CTNNA1: variants seen among roughly 807,000 people sequenced by gnomAD.
CTNNA1 encodes catenin alpha-1.
CTNNA1 carries 37 observed loss-of-function variants against 98.4 expected under a neutral mutation model. That is an observed-to-expected ratio of 0.38 (90% CI 0.29 to 0.49). The LOEUF is 0.49. Ranked by LOEUF, CTNNA1 falls within the 20% of genes least tolerant of loss-of-function variation. CTNNA1 has a pLI of 0.95. For synonymous variants in CTNNA1, 404 were observed against 413.2 expected, an observed-to-expected ratio of 0.98 and a Z score of 0.27; for missense variants, 761 against 1,147.2, an observed-to-expected ratio of 0.66 and a Z score of 4.86.
At chr5:138,883,621 T>A (rs1753416431) in intron 7 of CTNNA1, among the ~76,000 whole-genome samples, 1 of 152,200 alleles carries the variant, frequency 6.6e-6, no homozygotes, top group African/African-American at 2.4e-5. Flanking sequence ...TCCTGGGCAT[T>A]TCAGGTTGTA....
At chr5:138,829,584 T>A (rs2149790319) in intron 7 of CTNNA1, among the ~76,000 whole-genome samples, 1 of 152,282 alleles carries the variant, frequency 6.6e-6, no homozygotes, top group Middle Eastern at 3.4e-3. Flanking sequence ...ACCTTGAGGT[T>A]TCGAAACCTA....
chr5:138,829,582 G>A (rs1761060136), intron 7 of CTNNA1, among the ~76,000 whole-genome samples: 1 of 152,164 alleles, frequency 6.6e-6, no homozygotes, highest in African/African-American at 2.4e-5. Context: ...TAACCTTGAG[G>A]TTTCGAAACC....
intron 7 of CTNNA1, among the ~76,000 whole-genome samples, chr5:138,840,436 A>G (rs1438627253): frequency 6.6e-6 from 1 of 152,214 alleles, no homozygotes; most frequent in Admixed American, 6.5e-5. Flanking sequence ...TGAACGTAAA[A>G]CTATAAAATG....
intron 1 of CTNNA1, chr5:138,754,126 C>A (rs1751337818): frequency 6.6e-6 from 1 of 152,154 alleles, no homozygotes; most frequent in South Asian, 2.1e-4. Flanking sequence ...GGACTTTTGG[C>A]GTGACCGTCC....
At chr5:138,782,148 G>T (rs778245312) in intron 2 of CTNNA1, 119 bp downstream of exon 2, 47 of 951,190 alleles carry the variant, frequency 4.9e-5, no homozygotes, top group Non-Finnish European at 6.5e-5. Flanking sequence ...GAGTTTAGGT[G>T]ACAGTTCTTA....
chr5:138,934,311 T>TTAAA lies in CTNNA1; in HGVS notation c.*227_*230dup, dbSNP rs1351504759. ...ACTTCTAGCTGTATTTTTTGTATGC[T>TTAAA]TAAATAAAAATAAAAATTCATAACC... On this transcript the variant is annotated 3_prime_UTR_variant, in exon 18 of 18. Coordinates refer to ENST00000302763, the MANE Select transcript of CTNNA1 (RefSeq NM_001903.5). The TTAAA allele has an allele frequency of 3.9e-6, 2 of 518,240 alleles. No homozygotes were observed. Among genetic ancestry groups the TTAAA allele is most frequent in the East Asian group, 3.2e-5 (1 of 31,362 alleles). The allele number at this position is 518,240 out of a possible 1,614,324, so 32.1% of individuals were successfully genotyped here.
intron 7 of CTNNA1, among the ~76,000 whole-genome samples, chr5:138,851,575 T>A (rs1025155100): frequency 1.3e-5 from 2 of 149,874 alleles, no homozygotes; most frequent in Non-Finnish European, 3.0e-5. Context: ...CTGGCCAACA[T>A]GGTGAAACCC....
At chr5:138,925,436 C>T (rs2150296380) in intron 13 of CTNNA1, 29 bp downstream of exon 13, 2 of 1,603,930 alleles carry the variant, frequency 1.2e-6, no homozygotes, top group Non-Finnish European at 1.7e-6. Flanking sequence ...GACGTCTTAA[C>T]AGCTTCTTTC....
At chr5:138,824,167 C>G (rs1486244182) in intron 5 of CTNNA1, among the ~76,000 whole-genome samples, 1 of 152,014 alleles carries the variant, frequency 6.6e-6, no homozygotes, top group East Asian at 1.9e-4. Flanking sequence ...GTGCTAAGTA[C>G]TTTACATACA....
chr5:138,884,952 TA>T (rs1233688883), intron 7 of CTNNA1, among the ~76,000 whole-genome samples: 1 of 152,186 alleles, frequency 6.6e-6, no homozygotes, highest in Admixed American at 6.5e-5. Context: ...ACAAGAGTGC[TA>T]GGGGGAAAGG....
chr5:138,887,369 T>A, intron 8 of CTNNA1, 121 bp from the exon 9 acceptor site: 1 of 662,294 alleles, frequency 1.5e-6, no homozygotes, highest in Non-Finnish European at 2.5e-6. Flanking sequence ...GGGGTCCTCA[T>A]GTAAGTGCAG....
chr5:138,821,643 G>C (rs1760056945), intron 5 of CTNNA1, among the ~76,000 whole-genome samples: 1 of 152,176 alleles, frequency 6.6e-6, no homozygotes, highest in Non-Finnish European at 1.5e-5. Context: ...CTCTTGGTTA[G>C]AGGCAGTGTT....
intron 7 of CTNNA1, among the ~76,000 whole-genome samples, chr5:138,863,590 G>T (rs1009506294): frequency 2.0e-5 from 3 of 152,078 alleles, no homozygotes; most frequent in African/African-American, 7.2e-5. Context: ...ATTAGTTATT[G>T]TGTTATAGAT....
intron 10 of CTNNA1, among the ~76,000 whole-genome samples, chr5:138,910,238 T>C (rs1367723041): frequency 2.1e-5 from 3 of 144,270 alleles, no homozygotes; most frequent in Non-Finnish European, 3.0e-5. Context: ...TTTTTTTTTT[T>C]TTTTTTTTTT....
At chr5:138,931,042 T>G in intron 16 of CTNNA1, 107 bp downstream of exon 16, 1 of 702,936 alleles carries the variant, frequency 1.4e-6, no homozygotes, top group East Asian at 2.6e-5. Flanking sequence ...CTTTTGCCAC[T>G]CATCTCTAAA....
intron 16 of CTNNA1, chr5:138,931,847 C>CT: frequency 3.0e-6 from 3 of 985,482 alleles, no homozygotes; most frequent in Non-Finnish European, 3.6e-6. Flanking sequence ...CTGTGGTGTA[C>CT]TTTGCTCCAG....
chr5:138,846,542 A>G lies in CTNNA1; in HGVS notation c.1062+18824A>G, dbSNP rs114046296. Among the ~76,000 whole-genome samples, 1,161 of 152,272 alleles carry G rather than the reference A, an allele frequency of 7.6e-3. 14 individuals are homozygous for G. The highest frequency in any genetic ancestry group is 0.027 in the African/African-American group (1,119 of 41,548). ...AGTTCAGGCAATTTGTTCATCTTACATGAAGTAAAGAGTATTTTTCCCATT... is the reference window on the plus strand; with the variant it reads ...AGTTCAGGCAATTTGTTCATCTTACGTGAAGTAAAGAGTATTTTTCCCATT... On this transcript the variant is annotated intron_variant, in intron 7 of 17. Coordinates refer to ENST00000302763, the MANE Select transcript of CTNNA1 (RefSeq NM_001903.5).
At chr5:138,855,746 A>G (rs955005228) in intron 7 of CTNNA1, among the ~76,000 whole-genome samples, 1 of 152,206 alleles carries the variant, frequency 6.6e-6, no homozygotes, top group African/African-American at 2.4e-5. Context: ...TTTGGTAGGT[A>G]CTTTCCATTT....
chr5:138,860,585 G>A (rs1287449080), intron 7 of CTNNA1, among the ~76,000 whole-genome samples: 2 of 151,966 alleles, frequency 1.3e-5, no homozygotes, highest in South Asian at 2.1e-4. Context: ...ATCCTCTGCC[G>A]CCCGGGCTCA....
Sources: gnomAD v4.1 joint callset for allele counts (sites outside exome capture counted in the v4.1 genomes callset) on GRCh38, gnomAD v4.1.1 for gene constraint, MANE v1.5 for transcripts, NCBI Gene and HGNC (gene_info 2026-07-23, HGNC 2026-07-21) for gene names.